PRKCD: variants seen among roughly 807,000 people sequenced by gnomAD.
PRKCD encodes the protein protein kinase C delta type.
PRKCD carries 20 observed loss-of-function variants against 82.2 expected under a neutral mutation model. The observed-to-expected ratio is 0.24, with a 90% CI of 0.17 to 0.35. PRKCD has a LOEUF of 0.35. Among genes scored for constraint, PRKCD ranks in the 10% least tolerant of loss-of-function variants. The pLI is 1.00. For synonymous variants in PRKCD, 317 were observed against 337.0 expected (o/e 0.94, Z 0.65); for missense variants, 607 against 899.0 (o/e 0.68, Z 4.15).
chr3:53,188,334 A>G (rs538088487), intron 15 of PRKCD, among the ~76,000 whole-genome samples: 2 of 152,240 alleles, frequency 1.3e-5, no homozygotes, highest in African/African-American at 4.8e-5. Context: ...TCTAGTTCCC[A>G]TATGCATTAA....
rs1553668799 is a variant in PRKCD at position 53,185,600 on chromosome 3, C to G, written c.889-4C>G. 9 of 1,613,206 alleles carry G rather than the reference C, an allele frequency of 5.6e-6. No homozygotes were observed. The highest frequency in any genetic ancestry group is 7.6e-6 in the Non-Finnish European group (9 of 1,179,752). On this transcript the variant is annotated splice_region_variant and splice_polypyrimidine_tract_variant and intron_variant, in intron 10 of 18. Coordinates refer to ENST00000330452, the MANE Select transcript of PRKCD (RefSeq NM_006254.4). Reference sequence around the variant, plus strand: ...CTGGCCCCCCACCTCTGCTCCCTCCCCAGAGAGCCTCCCGGAGATCAGACT... The same window carrying G: ...CTGGCCCCCCACCTCTGCTCCCTCCGCAGAGAGCCTCCCGGAGATCAGACT...
chr3:53,175,544 G>A (rs1258510307), intron 2 of PRKCD, among the ~76,000 whole-genome samples: 1 of 152,152 alleles, frequency 6.6e-6, no homozygotes, highest in South Asian at 2.1e-4. Context: ...CAACGTTGGT[G>A]TCAGGATGCA....
chr3:53,192,372 T>G lies in PRKCD; in HGVS notation c.*106T>G, dbSNP rs1553671148. On this transcript the variant is annotated 3_prime_UTR_variant, in exon 19 of 19. Transcript: ENST00000330452. ...TGACTTCTGCTGCTGGCCCCGCCCC[T>G]GCCCCCAGAGCGTCCTTGGCTGCCG... 1 of 1,402,216 alleles carries G rather than the reference T, an allele frequency of 7.1e-7. No individual in the cohort carries two copies. The highest frequency in any genetic ancestry group is 1.4e-5 in the African/African-American group (1 of 70,344). The allele number at this position is 1,402,216 out of a possible 1,614,324, so 86.9% of individuals were successfully genotyped here.
intron 2 of PRKCD, among the ~76,000 whole-genome samples, chr3:53,166,979 G>A (rs1702855961): frequency 1.3e-5 from 2 of 152,370 alleles, no homozygotes; most frequent in Middle Eastern, 3.4e-3. Flanking sequence ...TGCTCACAGT[G>A]GGTGGGGGTC....
Position 53,188,839 on chromosome 3 carries a change from C to T in PRKCD, c.1535C>T (p.Pro512Leu), listed in dbSNP as rs782657576. 6.2e-7 allele frequency: 1 copy of T among 1,614,060 alleles called. No individual in the cohort carries two copies. Among genetic ancestry groups the T allele is most frequent in the African/African-American group, 1.3e-5 (1 of 74,946 alleles). Residue 512 changes from proline (P) to leucine (L), a missense_variant, in exon 16 of 19, where the codon CCT becomes CTT. By Grantham distance (98) the Pro-to-Leu change is moderately conservative (BLOSUM62 -3). Around this residue, in one of 5 missense-constraint regions of PRKCD, gnomAD observed 251 missense variants for 423.9 expected, o/e 0.59. Coordinates refer to ENST00000330452, the MANE Select transcript of PRKCD (RefSeq NM_006254.4). ...ESRASTFCGT[P>L]DYIAPEILQG... ...CGGGCCAGCACCTTCTGCGGCACCC[C>T]TGACTATATCGCCCCTGAGGTGAGC...
chr3:53,161,287 CCG>C lies in PRKCD; in HGVS notation c.-268_-267del, dbSNP rs1702645248. On this transcript the variant is annotated 5_prime_UTR_variant, in exon 1 of 19. Transcript: ENST00000330452. ...CCGAGCGACCCCCGGCGCCCGCCCG[CCG>C]CGCGGAGGCCCGGGCCACACCTCAC... is the stretch of plus-strand genomic sequence containing the variant. 1 of 149,702 alleles carries C rather than the reference CCG, an allele frequency of 6.7e-6. No homozygotes were observed. The highest frequency in any genetic ancestry group is 2.4e-5 in the African/African-American group (1 of 41,146). 9.3% of individuals were successfully genotyped at this position (149,702 alleles called of 1,614,324 possible). A position where few individuals can be genotyped will look rare whatever the true frequency, so the allele number is the denominator to read the frequency against.
intron 13 of PRKCD, 121 bp downstream of exon 13, chr3:53,186,461 C>CG (rs1327760929): frequency 4.6e-5 from 64 of 1,398,764 alleles, no homozygotes; most frequent in East Asian, 2.6e-4. Context: ...ATGCTTTCCC[C>CG]CCTCATGCCT....
rs1053431163 is a variant in PRKCD, at chr3:53,179,607, C to T, written c.146C>T (p.Pro49Leu). 6 of 1,614,186 alleles carry T rather than the reference C, an allele frequency of 3.7e-6. No individual in the cohort carries two copies. The highest frequency in any genetic ancestry group is 5.1e-6 in the Non-Finnish European group (6 of 1,180,032). The part of the protein sequence containing the change: ...ERGKTLVQKK[P>L]TMYPEWKSTF... Reference sequence around the variant, plus strand: ...GGGAAAACACTGGTGCAGAAGAAGCCGACCATGTATCCTGAGTGGAAGTCG... The same window carrying T: ...GGGAAAACACTGGTGCAGAAGAAGCTGACCATGTATCCTGAGTGGAAGTCG... Residue 49 changes from proline to leucine, a missense_variant, in exon 4 of 19, where the codon CCG (proline) becomes CTG (leucine). Coordinates refer to ENST00000330452, the MANE Select transcript of PRKCD (RefSeq NM_006254.4).
rs1553662891 is a variant in PRKCD at position 53,161,317 on chromosome 3, G to A, written c.-243G>A. 1 of 149,200 alleles carries A rather than the reference G, an allele frequency of 6.7e-6. No individual in the cohort carries two copies. Among genetic ancestry groups the A allele is most frequent in the African/African-American group, 2.4e-5 (1 of 40,896 alleles). The allele number at this position is 149,200 out of a possible 1,614,324, so 9.2% of individuals were successfully genotyped here. ...CGGAGGCCCGGGCCACACCTCACTG[G>A]CCGCTTGGCCCATCCCAGTCAGCGC... On this transcript the variant is annotated 5_prime_UTR_variant, in exon 1 of 19. Coordinates refer to ENST00000330452, the MANE Select transcript of PRKCD (RefSeq NM_006254.4).
chr3:53,178,354 T>C, intron 2 of PRKCD, 50 bp from the exon 3 acceptor site: 1 of 1,300,702 alleles, frequency 7.7e-7, no homozygotes, highest in Non-Finnish European at 1.1e-6. Flanking sequence ...CCCGTGACTG[T>C]TCCCGCTGGT....
chr3:53,188,715 C>T lies in PRKCD; in HGVS notation c.1416-5C>T. The T allele has an allele frequency of 6.2e-7, 1 of 1,614,158 alleles. No homozygotes were observed. The highest frequency in any genetic ancestry group is 8.5e-7 in the Non-Finnish European group (1 of 1,180,010). On this transcript the variant is annotated splice_polypyrimidine_tract_variant and splice_region_variant and intron_variant, in intron 15 of 18. Coordinates refer to ENST00000330452, the MANE Select transcript of PRKCD (RefSeq NM_006254.4). Reference sequence around the variant, plus strand: ...TGCTGACTCTTACCTGTCCCCTGTCCTTAGGGACCTCAAACTGGACAATGT... The same window carrying T: ...TGCTGACTCTTACCTGTCCCCTGTCTTTAGGGACCTCAAACTGGACAATGT...
intron 3 of PRKCD, among the ~76,000 whole-genome samples, chr3:53,179,235 A>T (rs187072559): frequency 3.8e-4 from 58 of 152,322 alleles, no homozygotes; most frequent in African/African-American, 1.3e-3. Context: ...CAGGCCCTGG[A>T]TGTAGCTTTT....
chr3:53,190,050 T>C, intron 18 of PRKCD, 49 bp downstream of exon 18: 1 of 1,609,420 alleles, frequency 6.2e-7, no homozygotes, highest in South Asian at 1.1e-5. Context: ...ACTCCTCTCC[T>C]GCCCTCCCTC....
At chr3:53,182,978 G>A (rs1398793165) in intron 7 of PRKCD, 143 bp from the exon 8 acceptor site, 1 of 770,634 alleles carries the variant, frequency 1.3e-6, no homozygotes, top group East Asian at 2.7e-5. Context: ...CTCAAGCGCT[G>A]GGCCTCTGCG....
intron 2 of PRKCD, among the ~76,000 whole-genome samples, chr3:53,167,840 C>T (rs1014861438): frequency 2.6e-5 from 4 of 152,198 alleles, no homozygotes; most frequent in Admixed American, 2.6e-4. Context: ...ACTCCCTCAT[C>T]CCCCTCAATT....
intron 2 of PRKCD, among the ~76,000 whole-genome samples, chr3:53,171,478 G>A (rs3773727): frequency 0.8 from 122,329 of 152,192 alleles, 49,290 homozygotes; most frequent in Non-Finnish European, 0.81. Flanking sequence ...TGCAGCCTCC[G>A]TTCTCCTCCA....
chr3:53,191,955 T>C (rs928802246), intron 18 of PRKCD, among the ~76,000 whole-genome samples, 153 bp from the exon 19 acceptor site: 1 of 152,132 alleles, frequency 6.6e-6, no homozygotes, highest in South Asian at 2.1e-4. Context: ...CTCCTTCCCA[T>C]GGGGCTCCTT....
chr3:53,188,932 C>T, intron 16 of PRKCD, 74 bp downstream of exon 16: 2 of 1,596,252 alleles, frequency 1.3e-6, no homozygotes, highest in South Asian at 2.3e-5. Flanking sequence ...GGAAGGATTC[C>T]CAAGGGCAGT....
intron 14 of PRKCD, 145 bp downstream of exon 14, chr3:53,186,840 G>A (rs1703715463): frequency 2.4e-6 from 2 of 835,616 alleles, no homozygotes; most frequent in Non-Finnish European, 3.7e-6. Context: ...GAGATGTGGG[G>A]GTAGCCTGGG....
Sources: allele counts gnomAD v4.1 joint callset (sites outside exome capture counted in the v4.1 genomes callset), GRCh38; gene constraint gnomAD v4.1.1; regional missense constraint gnomAD v4.1.1; transcripts MANE v1.5; gene names NCBI Gene and HGNC (gene_info 2026-07-23, HGNC 2026-07-21).